WNT8A: variants seen among roughly 807,000 people sequenced by gnomAD.
WNT8A encodes the protein protein Wnt-8a.
Under a neutral mutation model 20.5 loss-of-function variants are expected in WNT8A, and 14 were observed. The ratio of observed to expected loss-of-function variants is 0.68; its 90% CI spans 0.45 to 1.07. The LOEUF (loss-of-function observed/expected upper bound fraction) is 1.07. Ranked by LOEUF, WNT8A falls within the 50% of genes least tolerant of loss-of-function variation. The pLI is 0.00. For synonymous variants in WNT8A, 167 were observed against 169.2 expected (o/e 0.99, Z 0.10); for missense variants, 397 against 462.9 (o/e 0.86, Z 1.31).
chr5:138,090,772 T>C lies in WNT8A; in HGVS notation c.809T>C (p.Leu270Ser), dbSNP rs1310246333. The C allele has an allele frequency of 1.2e-6, 2 of 1,614,090 alleles. No individual in the cohort carries two copies. The highest frequency in any genetic ancestry group is 2.2e-5 in the East Asian group (1 of 44,896). ...AGCGCAGAGGCGGAACTGATCTTTT[T>C]AGAGGAATCACCAGATTACTGTACC... ...LPSAEAELIF[L>S]EESPDYCTCN... is the part of the protein sequence containing the mutation. The change falls in exon 5 of 5, where the codon TTA becomes TCA. Residue 270 changes from leucine (L) to serine (S), a missense_variant. Physicochemically the swap from Leu to Ser is moderately radical, Grantham distance 145. Transcript: ENST00000506684.
At chr5:138,085,574 G>A (rs1016710482) in intron 2 of WNT8A, among the ~76,000 whole-genome samples, 1 of 152,072 alleles carries the variant, frequency 6.6e-6, no homozygotes, top group African/African-American at 2.4e-5. Context: ...GGCTAAGCAC[G>A]TGTTGGAACC....
rs755071324 is a variant in WNT8A at position 138,091,069 on chromosome 5, C to G, written c.1106C>G (p.Ala369Gly). The G allele has an allele frequency of 3.7e-6, 6 of 1,607,886 alleles. No homozygotes were observed. Among genetic ancestry groups the G allele is most frequent in the Non-Finnish European group, 5.1e-6 (6 of 1,176,370 alleles). The change falls in exon 5 of 5, where the codon GCC (alanine) becomes GGC (glycine). Residue 369 changes from alanine to glycine, a missense_variant. Physicochemically the swap from Ala to Gly is moderately conservative, Grantham distance 60. Coordinates refer to ENST00000506684, the MANE Select transcript of WNT8A (RefSeq NM_001300939.2). ...GCCCAGTCCCTGGGTAAGGGCAGTGCCTGATAATACCCCACACAAGTTCAC... is the reference window on the plus strand; with the variant it reads ...GCCCAGTCCCTGGGTAAGGGCAGTGGCTGATAATACCCCACACAAGTTCAC... ...GSAQSLGKGS[A>G]
intron 2 of WNT8A, among the ~76,000 whole-genome samples, chr5:138,086,563 C>G (rs968919692): frequency 2.0e-5 from 3 of 151,984 alleles, no homozygotes; most frequent in African/African-American, 7.3e-5. Context: ...TCATTCCTGC[C>G]TGGATGAAGG....
chr5:138,084,772 C>A (rs1750607138), intron 2 of WNT8A, 136 bp downstream of exon 2: 4 of 1,235,406 alleles, frequency 3.2e-6, no homozygotes, highest in Non-Finnish European at 3.2e-6. Context: ...CTGCCATTTC[C>A]TTGCTGTGTG....
Position 138,091,292 on chromosome 5 carries a change from C to T in WNT8A, c.*219C>T. On this transcript the variant is annotated 3_prime_UTR_variant, in exon 5 of 5. Transcript: ENST00000506684. ...CCTGGGCCTCCTGACTTTGGCAGACCCCCATTTCATCTTTCCTGCAAACTA... is the reference window on the plus strand; with the variant it reads ...CCTGGGCCTCCTGACTTTGGCAGACTCCCATTTCATCTTTCCTGCAAACTA... 6.4e-6 allele frequency: 10 copies of T among 1,555,312 alleles called. No individual in the cohort carries two copies. The South Asian group carries it at 8.9e-5, about 14-fold the overall frequency.
intron 3 of WNT8A, 135 bp from the exon 4 acceptor site, chr5:138,088,792 C>G (rs992417036): frequency 8.1e-7 from 1 of 1,235,684 alleles, no homozygotes; most frequent in Admixed American, 2.6e-5. Context: ...GACTCCCACC[C>G]ACCCCAAGCA....
intron 2 of WNT8A, among the ~76,000 whole-genome samples, 157 bp from the exon 3 acceptor site, chr5:138,087,649 C>CAAAAAAAAA (rs66902804): frequency 2.4e-4 from 17 of 70,222 alleles, no homozygotes; most frequent in South Asian, 6.8e-4. Context: ...GAGCGAGTCT[C>CAAAAAAAAA]AAAAAAAAAA....
Position 138,084,232 on chromosome 5 carries a change from T to A in WNT8A, c.105T>A (p.Thr35=). The change falls in exon 1 of 5, where the codon ACT becomes ACA. Residue 35 remains threonine, a synonymous_variant. Coordinates refer to ENST00000506684, the MANE Select transcript of WNT8A (RefSeq NM_001300939.2). ...TCATCCCCATTCACCTCTGCCTCACTTTTTCTCTTTTTGGTAGGTCAGTGA... is the reference window on the plus strand; with the variant it reads ...TCATCCCCATTCACCTCTGCCTCACATTTTCTCTTTTTGGTAGGTCAGTGA... ...HCLIPIHLCL[T]FSLFGRSVNN... The A allele has an allele frequency of 1.2e-6, 2 of 1,614,174 alleles. No individual in the cohort carries two copies. Among genetic ancestry groups the A allele is most frequent in the Admixed American group, 1.7e-5 (1 of 60,022 alleles).
At chr5:138,089,170 C>G in intron 4 of WNT8A, 101 bp downstream of exon 4, 2 of 1,479,696 alleles carry the variant, frequency 1.4e-6, no homozygotes, top group Non-Finnish European at 1.8e-6. Flanking sequence ...CTCATACTAC[C>G]CAGCCAGATT....
At chr5:138,083,404 G>T (rs923687025), upstream of WNT8A, among the ~76,000 whole-genome samples, 2 of 152,136 alleles carry the variant, frequency 1.3e-5, no homozygotes, top group African/African-American at 4.8e-5. Context: ...AGATATAAAA[G>T]GATAGATTTG....
chr5:138,081,656 A>T (rs1311572158), upstream of WNT8A, among the ~76,000 whole-genome samples: 1 of 152,046 alleles, frequency 6.6e-6, no homozygotes, highest in Non-Finnish European at 1.5e-5. Context: ...TATTTTCCCC[A>T]AGCAGAGAGG....
In WNT8A at chr5:138,084,088, C is replaced by T. The variant is rs199780188; in HGVS notation, c.-40C>T. The T allele has an allele frequency of 1.3e-4, 204 of 1,612,010 alleles. 3 individuals are homozygous for T. The South Asian group carries it at 1.9e-3, about 15-fold the overall frequency. On this transcript the variant is annotated 5_prime_UTR_variant, in exon 1 of 5. Transcript: ENST00000506684. ...ACCTGGTCCACTGGGGTAGGCAGGG[C>T]GATGGGGAACCTGTTTATGCTCTGG...
chr5:138,087,658 A>AAG (rs1194636257), intron 2 of WNT8A, 148 bp from the exon 3 acceptor site: 1 of 766,852 alleles, frequency 1.3e-6, no homozygotes, highest in East Asian at 3.5e-5. Context: ...TCAAAAAAAA[A>AAG]AAAAAAAAAA....
chr5:138,092,340 G>A (rs2151150139), downstream of WNT8A: 1 of 152,318 alleles, frequency 6.6e-6, no homozygotes, highest in Admixed American at 6.5e-5. Flanking sequence ...CCCAGAATTA[G>A]AAAGTGTTAT....
the WNT8A span, among the ~76,000 whole-genome samples, chr5:138,078,576 A>T: frequency 6.6e-6 from 1 of 152,164 alleles, no homozygotes; most frequent in Non-Finnish European, 1.5e-5. Flanking sequence ...CTGTTGGGTG[A>T]CCAGCTATCC....
the WNT8A span, among the ~76,000 whole-genome samples, chr5:138,078,904 TG>T: frequency 2.0e-5 from 3 of 152,218 alleles, no homozygotes; most frequent in African/African-American, 4.8e-5. Context: ...ATCATCATCC[TG>T]GAACATTAGA....
At position 138,084,498 on chromosome 5, in the gene WNT8A, G is replaced by T. The variant is rs759031440; in HGVS notation, c.157G>T (p.Ala53Ser). Reference sequence around the variant, plus strand: ...CTCACAGCCCTTTTCCCTTTGCCAGGCCTATCTGACCTACACGACTAGTGT... The same window carrying T: ...CTCACAGCCCTTTTCCCTTTGCCAGTCCTATCTGACCTACACGACTAGTGT... ...VNNFLITGPK[A>S]YLTYTTSVAL... is the part of the protein sequence containing the mutation. The change falls in exon 2 of 5, where the codon GCC becomes TCC. Residue 53 changes from alanine to serine, a missense_variant and splice_region_variant. By Grantham distance (99) the Ala-to-Ser change is moderately conservative. Transcript: ENST00000506684. The T allele has an allele frequency of 2.5e-6, 4 of 1,601,152 alleles. No homozygotes were observed. Among genetic ancestry groups the T allele is most frequent in the Non-Finnish European group, 3.4e-6 (4 of 1,173,196 alleles).
rs1750576147 is a variant in WNT8A at position 138,084,037 on chromosome 5, C to T, written c.-91C>T. 2 of 1,563,772 alleles carry T rather than the reference C, an allele frequency of 1.3e-6. No homozygotes were observed. Among genetic ancestry groups the T allele is most frequent in the Non-Finnish European group, 1.7e-6 (2 of 1,144,424 alleles). On this transcript the variant is annotated 5_prime_UTR_variant, in exon 1 of 5. Coordinates refer to ENST00000506684, the MANE Select transcript of WNT8A (RefSeq NM_001300939.2). ...TGAGGAAGACCCTGCCCTCTCCTCA[C>T]TTCTCTGGACTTGGCCCTGAGCTGG...
upstream of WNT8A, among the ~76,000 whole-genome samples, chr5:138,080,620 A>G (rs1230807314): frequency 1.3e-5 from 2 of 151,020 alleles, no homozygotes; most frequent in Non-Finnish European, 3.0e-5. Flanking sequence ...TTTTTTTTAG[A>G]GACAGGGTCT....
Sources: allele counts gnomAD v4.1 joint callset (sites outside exome capture counted in the v4.1 genomes callset), GRCh38; gene constraint gnomAD v4.1.1; transcripts MANE v1.5; gene names NCBI Gene and HGNC (gene_info 2026-07-23, HGNC 2026-07-21).